The following FER variants were observed in gnomAD, a reference collection of about 807,000 sequenced individuals.
The protein encoded by FER is tyrosine-protein kinase Fer.
A neutral mutation model predicts 111.0 loss-of-function variants in FER; 63 were observed. That is an observed-to-expected ratio of 0.57 (90% CI 0.46 to 0.70). FER has a LOEUF of 0.70. FER is among the 30% of genes least tolerant of loss of function. The pLI is 0.00. For synonymous variants in FER, 327 were observed against 313.9 expected, an observed-to-expected ratio of 1.04 and a Z score of -0.44; for missense variants, 914 against 954.0, an observed-to-expected ratio of 0.96 and a Z score of 0.55.
chr5:108,881,245 A>C (rs1005007387), intron 8 of FER, among the ~76,000 whole-genome samples: 1 of 152,158 alleles, frequency 6.6e-6, no homozygotes, highest in Non-Finnish European at 1.5e-5. Flanking sequence ...AAGACAAAGA[A>C]GTTTAATGGA....
chr5:108,836,565 A>G (rs1241509250), intron 5 of FER, among the ~76,000 whole-genome samples: 1 of 152,158 alleles, frequency 6.6e-6, no homozygotes, highest in Non-Finnish European at 1.5e-5. Flanking sequence ...TAGCTAAATA[A>G]AGCGTTTATT....
In FER at chr5:109,183,248, G is replaced by GTTTTTTTTT. The variant is rs10682212; in HGVS notation, c.2203+2357_2203+2365dup. On this transcript the variant is annotated intron_variant, in intron 18 of 19. Transcript: ENST00000281092. ...GAAGATTGACTCTAAATCCTAGCGT[G>GTTTTTTTTT]TTTTTTTTTTTTTTTTTTGAGATGG... is the stretch of plus-strand genomic sequence containing the variant. 1.3e-3 allele frequency among the ~76,000 whole-genome samples: 156 copies of GTTTTTTTTT among 115,650 alleles called. 4 individuals are homozygous for GTTTTTTTTT. Among genetic ancestry groups the GTTTTTTTTT allele is most frequent in the African/African-American group, 4.6e-3 (138 of 29,792 alleles). 75.9% of individuals were successfully genotyped at this position (115,650 alleles called of 152,430 possible).
intron 5 of FER, among the ~76,000 whole-genome samples, chr5:108,855,650 G>T (rs1686893001): frequency 6.6e-6 from 1 of 151,318 alleles, no homozygotes; most frequent in Non-Finnish European, 1.5e-5. Flanking sequence ...CTAAGTGAAT[G>T]TACTATTCTG....
chr5:109,105,227 T>C (rs532204105), intron 17 of FER, among the ~76,000 whole-genome samples: 3 of 137,136 alleles, frequency 2.2e-5, no homozygotes, highest in South Asian at 4.8e-4. Context: ...TTCCAGCTTA[T>C]ATTTGTGTGT....
intron 10 of FER, among the ~76,000 whole-genome samples, chr5:108,910,216 G>C (rs1034285096): frequency 1.2e-4 from 18 of 152,276 alleles, no homozygotes; most frequent in African/African-American, 3.8e-4. Flanking sequence ...TGAAAATAAT[G>C]ATTAAGAAAT....
At chr5:109,151,286 C>G (rs537130276) in intron 17 of FER, among the ~76,000 whole-genome samples, 1 of 151,942 alleles carries the variant, frequency 6.6e-6, no homozygotes, top group African/African-American at 2.4e-5. Flanking sequence ...GAATTGTTGG[C>G]AAGACTACTA....
intron 17 of FER, among the ~76,000 whole-genome samples, chr5:109,180,343 T>C (rs1758158479): frequency 6.6e-6 from 1 of 152,168 alleles, no homozygotes; most frequent in African/African-American, 2.4e-5. Context: ...AAATTCAGTT[T>C]CTTGGTCACA....
At chr5:109,097,304 A>G (rs1421480671) in intron 16 of FER, among the ~76,000 whole-genome samples, 1 of 151,942 alleles carries the variant, frequency 6.6e-6, no homozygotes, top group Non-Finnish European at 1.5e-5. Context: ...ATTTATCATT[A>G]TTATAGAATT....
intron 2 of FER, among the ~76,000 whole-genome samples, chr5:108,777,497 G>A (rs1057487271): frequency 2.0e-5 from 3 of 152,150 alleles, no homozygotes; most frequent in African/African-American, 7.2e-5. Flanking sequence ...TATGGGTTTG[G>A]AAAAATATAC....
intron 10 of FER, among the ~76,000 whole-genome samples, chr5:108,942,252 A>G (rs1756375056): frequency 7.2e-5 from 11 of 152,146 alleles, no homozygotes; most frequent in Admixed American, 7.2e-4. Flanking sequence ...GAATAAAGAA[A>G]GCAAAAAGAA....
intron 17 of FER, among the ~76,000 whole-genome samples, chr5:109,117,447 A>G (rs1750386078): frequency 6.6e-6 from 1 of 152,130 alleles, no homozygotes. Flanking sequence ...AACTCATATC[A>G]TTCTTATGTA....
intron 10 of FER, among the ~76,000 whole-genome samples, chr5:108,934,654 A>C (rs186015865): frequency 6.6e-6 from 1 of 152,270 alleles, no homozygotes; most frequent in Non-Finnish European, 1.5e-5. Flanking sequence ...GCAAATAAAA[A>C]GTTAGCTAGT....
At position 108,882,460 on chromosome 5, in the gene FER, C is replaced by A. The variant is rs1731073575; in HGVS notation, c.924-936C>A. ...ACTTCCGTTGTGTTAAGCATATGAACTTCATATGCTTATTGATCATTTAAT... is the reference window on the plus strand; with the variant it reads ...ACTTCCGTTGTGTTAAGCATATGAAATTCATATGCTTATTGATCATTTAAT... On this transcript the variant is annotated intron_variant, in intron 8 of 19. Transcript: ENST00000281092. Among the ~76,000 whole-genome samples, 4 of 151,542 alleles carry A rather than the reference C, an allele frequency of 2.6e-5. No individual in the cohort carries two copies. In the South Asian group the frequency reaches 8.4e-4, roughly 32 times the overall value.
At chr5:108,934,431 G>A (rs1026075423) in intron 10 of FER, among the ~76,000 whole-genome samples, 5 of 152,088 alleles carry the variant, frequency 3.3e-5, no homozygotes, top group African/African-American at 1.2e-4. Context: ...TTATGGCCCA[G>A]TAATTTTCAC....
At chr5:109,077,106 G>C (rs553287090) in intron 16 of FER, among the ~76,000 whole-genome samples, 7 of 152,180 alleles carry the variant, frequency 4.6e-5, no homozygotes, top group African/African-American at 1.7e-4. Context: ...TTTAATATCA[G>C]CTATATTATT....
At chr5:108,886,315 C>A (rs576963773) in intron 9 of FER, among the ~76,000 whole-genome samples, 1 of 150,844 alleles carries the variant, frequency 6.6e-6, no homozygotes, top group East Asian at 1.9e-4. Flanking sequence ...AAGAGAGGAG[C>A]CTTGAAGGGT....
In FER at chr5:109,177,007, A is replaced by G. The variant is rs139356499; in HGVS notation, c.2049-3740A>G. 4.3e-3 allele frequency among the ~76,000 whole-genome samples: 651 copies of G among 152,328 alleles called. 2 individuals carry two copies. Among genetic ancestry groups the G allele is most frequent in the Non-Finnish European group, 7.6e-3 (520 of 68,022 alleles). The stretch of plus-strand genomic sequence containing the variant: ...AATGTATGTATCTAAATGTATAACA[A>G]TGAGTCAAATGAAACTGGCAAAGTC... On this transcript the variant is annotated intron_variant, in intron 17 of 19. Transcript: ENST00000281092.
At chr5:108,848,414 A>G (rs563375769) in intron 5 of FER, among the ~76,000 whole-genome samples, 4 of 152,144 alleles carry the variant, frequency 2.6e-5, no homozygotes, top group Admixed American at 1.3e-4. Context: ...CCTTTATTCT[A>G]CCTTTCTCTG....
chr5:109,114,594 T>C (rs1019025831), intron 17 of FER, among the ~76,000 whole-genome samples: 15 of 152,128 alleles, frequency 9.9e-5, no homozygotes, highest in African/African-American at 3.4e-4. Flanking sequence ...CTAGGTCATA[T>C]GGTTTCCATC....
Sources: allele counts gnomAD v4.1 joint callset (sites outside exome capture counted in the v4.1 genomes callset), GRCh38; gene constraint gnomAD v4.1.1; transcripts MANE v1.5; gene names NCBI Gene and HGNC (gene_info 2026-07-23, HGNC 2026-07-21).